Variants in CPQ observed in about 807,000 individuals in gnomAD.
The protein encoded by CPQ is carboxypeptidase Q, also known as Ser-Met dipeptidase.
CPQ carries 37 observed loss-of-function variants against 45.7 expected under a neutral mutation model. The ratio of observed to expected loss-of-function variants is 0.81; its 90% CI spans 0.62 to 1.07. The LOEUF (loss-of-function observed/expected upper bound fraction) is 1.07. Among genes scored for constraint, CPQ ranks in the 50% least tolerant of loss-of-function variants. The pLI, the probability that CPQ is intolerant of heterozygous loss-of-function variation, is 0.00. For synonymous variants in CPQ, 186 were observed against 205.8 expected, an observed-to-expected ratio of 0.90 and a Z score of 0.82; for missense variants, 537 against 572.9, an observed-to-expected ratio of 0.94 and a Z score of 0.64.
intron 4 of CPQ, among the ~76,000 whole-genome samples, chr8:96,904,925 T>C (rs1812556786): frequency 6.6e-6 from 1 of 152,154 alleles, no homozygotes; most frequent in Admixed American, 6.5e-5. Flanking sequence ...GGGTCATTTG[T>C]AAGCATGGAT....
intron 1 of CPQ, among the ~76,000 whole-genome samples, chr8:96,706,550 G>A (rs1809532662): frequency 6.6e-6 from 1 of 152,124 alleles, no homozygotes; most frequent in Non-Finnish European, 1.5e-5. Context: ...TGAATTTGAA[G>A]TTCTTGTCTA....
chr8:96,685,597 C>A lies in CPQ; in HGVS notation c.-35+40195C>A, dbSNP rs149587064. Among the ~76,000 whole-genome samples, 1,051 of 152,128 alleles carry A rather than the reference C, an allele frequency of 6.9e-3. 7 individuals carry two copies. Among genetic ancestry groups the A allele is most frequent in the Non-Finnish European group, 0.011 (743 of 67,956 alleles). ...TTTCATTGATCTATTTTTCTGTTTA[C>A]AAACCAGCAACTCACCATTTTAAAT... On this transcript the variant is annotated intron_variant, in intron 1 of 7. Coordinates refer to ENST00000220763, the MANE Select transcript of CPQ (RefSeq NM_016134.4).
chr8:96,940,731 T>C (rs1413002995), intron 4 of CPQ, among the ~76,000 whole-genome samples: 3 of 152,206 alleles, frequency 2.0e-5, no homozygotes, highest in Non-Finnish European at 2.9e-5. Context: ...AGCTTTTTAC[T>C]CATTGTAGTG....
intron 7 of CPQ, among the ~76,000 whole-genome samples, chr8:97,129,273 C>A (rs1389319098): frequency 2.0e-5 from 3 of 152,136 alleles, no homozygotes; most frequent in Non-Finnish European, 4.4e-5. Flanking sequence ...GGCCAGGACT[C>A]CCCACTCCTG....
chr8:97,004,159 A>G (rs578185097), intron 5 of CPQ, among the ~76,000 whole-genome samples: 3 of 152,248 alleles, frequency 2.0e-5, no homozygotes, highest in South Asian at 2.1e-4. Flanking sequence ...AAAAATTCCA[A>G]TGAAATTATA....
At chr8:96,995,786 T>C (rs1467015124) in intron 5 of CPQ, among the ~76,000 whole-genome samples, 1 of 151,944 alleles carries the variant, frequency 6.6e-6, no homozygotes, top group Non-Finnish European at 1.5e-5. Context: ...GTATTAAGCC[T>C]AGTACCCATT....
intron 4 of CPQ, 98 bp from the exon 5 acceptor site, chr8:96,965,837 A>T: frequency 1.4e-6 from 1 of 717,196 alleles, no homozygotes; most frequent in African/African-American, 1.8e-5. Context: ...AAGAAAATAT[A>T]AAAGTTTCAT....
chr8:96,781,908 C>T lies in CPQ; in HGVS notation c.-34-2956C>T, dbSNP rs187748462. Among the ~76,000 whole-genome samples the T allele has an allele frequency of 1.4e-3, 218 of 152,294 alleles. 4 individuals carry two copies. The highest frequency in any genetic ancestry group is 0.011 in the Admixed American group (169 of 15,286). On this transcript the variant is annotated intron_variant, in intron 1 of 7. Coordinates refer to ENST00000220763, the MANE Select transcript of CPQ (RefSeq NM_016134.4). ...TAAGTCCAAAACCCAATGGGGACAA[C>T]AACAGTAAATCTTAAGCCTCAGAAA...
chr8:96,933,078 A>G (rs1367138034), intron 4 of CPQ, among the ~76,000 whole-genome samples: 1 of 152,180 alleles, frequency 6.6e-6, no homozygotes, highest in Non-Finnish European at 1.5e-5. Context: ...TGCTTGCCTC[A>G]GAGAGGACCA....
chr8:96,897,250 G>A (rs1421468829), intron 4 of CPQ, among the ~76,000 whole-genome samples: 1 of 152,148 alleles, frequency 6.6e-6, no homozygotes, highest in African/African-American at 2.4e-5. Flanking sequence ...AATTTATTTT[G>A]AACTTGAGTA....
chr8:96,860,539 G>A (rs1367369614), intron 3 of CPQ, among the ~76,000 whole-genome samples: 3 of 152,130 alleles, frequency 2.0e-5, no homozygotes, highest in African/African-American at 7.2e-5. Context: ...AGACCATGAG[G>A]AGTGGGAAAG....
chr8:97,018,836 C>T (rs184030845), intron 5 of CPQ, among the ~76,000 whole-genome samples: 22 of 152,226 alleles, frequency 1.4e-4, no homozygotes, highest in African/African-American at 5.3e-4. Flanking sequence ...AAAACTTCCC[C>T]AGCCTTGGTA....
At chr8:96,767,634 G>GTTTTTTTTTTTT (rs1563491733) in intron 1 of CPQ, among the ~76,000 whole-genome samples, 1 of 72,954 alleles carries the variant, frequency 1.4e-5, no homozygotes, top group Non-Finnish European at 2.6e-5. Flanking sequence ...GGTTACCTAT[G>GTTTTTTTTTTTT]CTTTTTTTTT....
At chr8:96,787,525 C>CTTTTTTTTTTTTTTTTTTTTTTTTTATT (rs1810785662) in intron 2 of CPQ, among the ~76,000 whole-genome samples, 1 of 47,594 alleles carries the variant, frequency 2.1e-5, no homozygotes, top group Admixed American at 3.5e-4. Context: ...CTTATAATGT[C>CTTTTTTTTTTTTTTTTTTTTTTTTTATT]TTTTTTTTTT....
chr8:96,704,857 T>TTTTGAG (rs1809512596), intron 1 of CPQ, among the ~76,000 whole-genome samples: 1 of 152,192 alleles, frequency 6.6e-6, no homozygotes, highest in South Asian at 2.1e-4. Flanking sequence ...TCAAAGTACC[T>TTTTGAG]GTGAAACATC....
At chr8:96,998,953 T>C (rs1010611300) in intron 5 of CPQ, among the ~76,000 whole-genome samples, 4 of 152,024 alleles carry the variant, frequency 2.6e-5, no homozygotes, top group African/African-American at 9.7e-5. Context: ...AGAAGGTACA[T>C]GATACTAGCG....
chr8:96,711,664 A>G (rs565925883), intron 1 of CPQ, among the ~76,000 whole-genome samples: 1 of 152,286 alleles, frequency 6.6e-6, no homozygotes, highest in South Asian at 2.1e-4. Context: ...ACTCACTATC[A>G]TAAGAACAGC....
At chr8:97,087,665 C>G (rs1158161792) in intron 7 of CPQ, among the ~76,000 whole-genome samples, 1 of 152,154 alleles carries the variant, frequency 6.6e-6, no homozygotes, top group African/African-American at 2.4e-5. Context: ...TTACCTCGTT[C>G]TAATCCTCAA....
chr8:96,725,784 CAT>C (rs1350791750), intron 1 of CPQ, among the ~76,000 whole-genome samples: 2 of 152,268 alleles, frequency 1.3e-5, no homozygotes, highest in Admixed American at 1.3e-4. Context: ...CACATGCACT[CAT>C]ATGTTTACCA....
Sources: allele counts gnomAD v4.1 joint callset (sites outside exome capture counted in the v4.1 genomes callset), GRCh38; gene constraint gnomAD v4.1.1; transcripts MANE v1.5; gene names NCBI Gene and HGNC (gene_info 2026-07-23, HGNC 2026-07-21).